Variants in ESYT2 observed in about 807,000 individuals in gnomAD.
ESYT2 encodes the protein extended synaptotagmin 2.
Under a neutral mutation model 107.2 loss-of-function variants are expected in ESYT2, and 54 were observed. That is an observed-to-expected ratio of 0.50 (90% CI 0.40 to 0.63). ESYT2 has a LOEUF of 0.63. Ranked by LOEUF, ESYT2 falls within the 30% of genes least tolerant of loss-of-function variation. The pLI, the probability that ESYT2 is intolerant of heterozygous loss-of-function variation, is 0.00. For synonymous variants in ESYT2, 491 were observed against 434.1 expected (o/e 1.13, Z -1.63); for missense variants, 1,020 against 1,094.5 (o/e 0.93, Z 0.96).
intron 3 of ESYT2, among the ~76,000 whole-genome samples, chr7:158,797,151 GCTGT>G (rs1034869869): frequency 1.3e-5 from 2 of 152,150 alleles, no homozygotes; most frequent in Non-Finnish European, 2.9e-5. Context: ...ATAATTTGAA[GCTGT>G]CTGTTTTTTG....
At chr7:158,826,515 AT>A (rs59113742) in intron 1 of ESYT2, among the ~76,000 whole-genome samples, 1,580 of 145,092 alleles carry the variant, frequency 0.011, 23 homozygotes, top group African/African-American at 0.027. Context: ...TTACTTTTGT[AT>A]TTTTTTTTTT....
At position 158,752,838 on chromosome 7, in the gene ESYT2, G is replaced by A; in HGVS notation, c.1425C>T (p.Asn475=). The A allele has an allele frequency of 7.7e-7, 1 of 1,303,690 alleles. No homozygotes were observed. Among genetic ancestry groups the A allele is most frequent in the Non-Finnish European group, 1.0e-6 (1 of 988,660 alleles). The allele number at this position is 1,303,690 out of a possible 1,614,324, so 80.8% of individuals were successfully genotyped here. ...YLDSARNLPS[N]PLEFNPDVLK... is the part of the protein sequence containing the mutation. ...AGACATCGGGGTTAAATTCTAATGG[G>A]TTACTCTTTCAAGTCAGAAGAAAAC... Residue 475 remains asparagine, a synonymous_variant, in exon 14 of 23, where the codon AAC becomes AAT. Coordinates refer to ENST00000275418, the MANE Select transcript of ESYT2 (RefSeq NM_001367773.1).
chr7:158,788,348 G>T lies in ESYT2; in HGVS notation c.654C>A (p.Ile218=). The T allele has an allele frequency of 6.2e-7, 1 of 1,608,230 alleles. No individual in the cohort carries two copies. The highest frequency in any genetic ancestry group is 8.5e-7 in the Non-Finnish European group (1 of 1,178,244). The change falls in exon 5 of 23, where the codon ATC becomes ATA. Residue 218 remains isoleucine, a synonymous_variant. Coordinates refer to ENST00000275418, the MANE Select transcript of ESYT2 (RefSeq NM_001367773.1). ...RYFCRAGVKS[I]QIHGTMRVIL... is the part of the protein sequence containing the mutation. ...AACAAAAAAACAAAAAACTTACCTGGATACTTTTCACACCAGCTCTACAAA... is the reference window on the plus strand; with the variant it reads ...AACAAAAAAACAAAAAACTTACCTGTATACTTTTCACACCAGCTCTACAAA...
At position 158,767,834 on chromosome 7, in the gene ESYT2, C is replaced by T. The variant is rs1838216211; in HGVS notation, c.804-60G>A. Reference sequence around the variant, plus strand: ...ATCAGACATGTGAATGCTTCTCTCACCTTTGACAACAGACTTACCACGAAT... The same window carrying T: ...ATCAGACATGTGAATGCTTCTCTCATCTTTGACAACAGACTTACCACGAAT... On this transcript the variant is annotated intron_variant, in intron 7 of 22. Transcript: ENST00000275418. The T allele has an allele frequency of 3.9e-6, 6 of 1,557,986 alleles. No individual in the cohort carries two copies. In the East Asian group the frequency reaches 6.9e-5, roughly 18 times the overall value.
chr7:158,761,087 C>T (rs1432327154), intron 11 of ESYT2, among the ~76,000 whole-genome samples: 1 of 152,208 alleles, frequency 6.6e-6, no homozygotes, highest in African/African-American at 2.4e-5. Context: ...TCTCTACAGG[C>T]ATCTCTCACG....
chr7:158,798,989 C>T (rs1186968173), intron 2 of ESYT2, 42 bp downstream of exon 2: 4 of 1,572,970 alleles, frequency 2.5e-6, no homozygotes, highest in Non-Finnish European at 3.5e-6. Flanking sequence ...TCTCATCCTC[C>T]AATTCCACTG....
chr7:158,780,051 A>T (rs1401550154), intron 6 of ESYT2, among the ~76,000 whole-genome samples: 1 of 152,260 alleles, frequency 6.6e-6, no homozygotes, highest in Non-Finnish European at 1.5e-5. Context: ...ACTACCTACG[A>T]AAGAGACCAT....
At chr7:158,806,151 A>AGGTGCCGGGGCACACTGCGTG (rs1839828223) in intron 1 of ESYT2, among the ~76,000 whole-genome samples, 1 of 134,870 alleles carries the variant, frequency 7.4e-6, no homozygotes, top group Non-Finnish European at 1.6e-5. Context: ...CACACCGCGT[A>AGGTGCCGGGGCACACTGCGTG]GGAGGCGCTG....
intron 6 of ESYT2, among the ~76,000 whole-genome samples, chr7:158,780,685 T>C (rs1158244784): frequency 6.6e-6 from 1 of 152,250 alleles, no homozygotes; most frequent in African/African-American, 2.4e-5. Flanking sequence ...ATTTAAGTGC[T>C]ACTGAAGTTC....
In ESYT2 at chr7:158,829,097, G is replaced by A. The variant is rs1209348360; in HGVS notation, c.322C>T (p.Pro108Ser). The A allele has an allele frequency of 1.3e-6, 2 of 1,583,188 alleles. No homozygotes were observed. Among genetic ancestry groups the A allele is most frequent in the Admixed American group, 1.7e-5 (1 of 58,738 alleles). The change falls in exon 1 of 23, where the codon CCC becomes TCC. Residue 108 changes from proline to serine, a missense_variant. Physicochemically the swap from Pro to Ser is moderately conservative, Grantham distance 74. Transcript: ENST00000275418. The part of the protein sequence containing the change: ...VRLGVRACDL[P>S]AWVHFPDTER... The stretch of plus-strand genomic sequence containing the variant: ...CAGGGGTCTGCACTCACCCAGGCGG[G>A]CAGGTCGCAGGCGCGCACCCCCAGG...
chr7:158,743,094 G>A (rs552704634), intron 17 of ESYT2, among the ~76,000 whole-genome samples: 3 of 151,994 alleles, frequency 2.0e-5, no homozygotes, highest in Admixed American at 6.5e-5. Context: ...TCGTGATTTT[G>A]GACAAAAAAT....
chr7:158,809,135 G>A (rs1274724163), intron 1 of ESYT2, among the ~76,000 whole-genome samples: 2 of 152,064 alleles, frequency 1.3e-5, no homozygotes, highest in Admixed American at 6.5e-5. Context: ...ATAAGGGGGG[G>A]CTACTGTAGT....
chr7:158,761,590 T>C lies in ESYT2; in HGVS notation c.1185-46A>G, dbSNP rs200099260. 1.7e-5 allele frequency: 26 copies of C among 1,535,420 alleles called. No individual in the cohort carries two copies. In the East Asian group the frequency reaches 5.8e-4, roughly 35 times the overall value. ...CAACTTTAGAACATAGAAACACATTTCTTACTGAAACAACTTTAAAACATA... is the reference window on the plus strand; with the variant it reads ...CAACTTTAGAACATAGAAACACATTCCTTACTGAAACAACTTTAAAACATA... On this transcript the variant is annotated intron_variant, in intron 10 of 22. Coordinates refer to ENST00000275418, the MANE Select transcript of ESYT2 (RefSeq NM_001367773.1).
chr7:158,818,111 C>T (rs1377998277), intron 1 of ESYT2, among the ~76,000 whole-genome samples: 1 of 152,158 alleles, frequency 6.6e-6, no homozygotes, highest in Non-Finnish European at 1.5e-5. Flanking sequence ...ACTTTCAAAT[C>T]CCCACTTTTT....
At chr7:158,822,306 T>C (rs187119866) in intron 1 of ESYT2, among the ~76,000 whole-genome samples, 1 of 152,316 alleles carries the variant, frequency 6.6e-6, no homozygotes, top group East Asian at 1.9e-4. Context: ...CTCAAACATA[T>C]GTGATGATTA....
chr7:158,774,623 T>C (rs909039381), intron 6 of ESYT2, among the ~76,000 whole-genome samples: 3 of 152,212 alleles, frequency 2.0e-5, no homozygotes, highest in Non-Finnish European at 4.4e-5. Context: ...CAGCAAAATA[T>C]TCTGGTCATA....
At chr7:158,805,806 T>C (rs1222162492) in intron 1 of ESYT2, among the ~76,000 whole-genome samples, 1 of 152,204 alleles carries the variant, frequency 6.6e-6, no homozygotes, top group South Asian at 2.1e-4. Flanking sequence ...GACACTAATA[T>C]CCCTGAAGTT....
chr7:158,821,225 A>G (rs1311730569), intron 1 of ESYT2, among the ~76,000 whole-genome samples: 1 of 152,242 alleles, frequency 6.6e-6, no homozygotes, highest in African/African-American at 2.4e-5. Flanking sequence ...AACTACTAAC[A>G]TATTCACCAT....
At chr7:158,817,718 C>T (rs1459391022) in intron 1 of ESYT2, among the ~76,000 whole-genome samples, 2 of 152,228 alleles carry the variant, frequency 1.3e-5, no homozygotes, top group African/African-American at 4.8e-5. Context: ...TTAAACCTGG[C>T]AAAATAAAAT....
Sources: gnomAD v4.1 joint callset for allele counts (sites outside exome capture counted in the v4.1 genomes callset) on GRCh38, gnomAD v4.1.1 for gene constraint, MANE v1.5 for transcripts, NCBI Gene and HGNC (gene_info 2026-07-23, HGNC 2026-07-21) for gene names.